Variants in TEN1 observed in about 807,000 individuals in gnomAD.
TEN1 encodes the protein CST complex subunit TEN1.
TEN1 carries 6 observed loss-of-function variants against 9.3 expected under a neutral mutation model. The observed-to-expected ratio is 0.65, with a 90% CI of 0.35 to 1.27. The LOEUF is 1.27. Among genes scored for constraint, TEN1 ranks in the 50% most tolerant of loss-of-function variants. The pLI is 0.03. For missense variants in TEN1, 149 were observed against 158.2 expected (o/e 0.94, Z 0.31); for synonymous variants, 65 against 65.6 (o/e 0.99, Z 0.04).
At chr17:75,986,075 C>A in intron 1 of TEN1, 112 bp from the exon 2 acceptor site, 1 of 833,420 alleles carries the variant, frequency 1.2e-6, no homozygotes, top group Non-Finnish European at 1.8e-6. Context: ...ACACTGCCTA[C>A]TGGAATTAGT....
At chr17:75,993,077 A>T (rs1234690225) in intron 3 of TEN1, among the ~76,000 whole-genome samples, 2 of 150,344 alleles carry the variant, frequency 1.3e-5, no homozygotes, top group African/African-American at 4.9e-5. Flanking sequence ...CCTGTAGTGG[A>T]AACCAAATGG....
At chr17:75,999,981 C>T (rs950823767) in intron 3 of TEN1, among the ~76,000 whole-genome samples, 160 bp from the exon 4 acceptor site, 5 of 152,152 alleles carry the variant, frequency 3.3e-5, no homozygotes, top group Admixed American at 1.3e-4. Context: ...GTTCTAGGCC[C>T]AAATACTCAG....
intron 1 of TEN1, among the ~76,000 whole-genome samples, chr17:75,983,206 G>A (rs944953991): frequency 1.3e-5 from 2 of 151,766 alleles, no homozygotes; most frequent in African/African-American, 4.8e-5. Flanking sequence ...GCTTGAACCC[G>A]GGAGGCAGTG....
At chr17:75,987,312 G>A (rs139902322) in intron 2 of TEN1, among the ~76,000 whole-genome samples, 1 of 152,288 alleles carries the variant, frequency 6.6e-6, no homozygotes, top group Non-Finnish European at 1.5e-5. Flanking sequence ...GTTCACGTTT[G>A]GCAAATTAGT....
chr17:75,989,515 G>A (rs1020073057), intron 2 of TEN1, among the ~76,000 whole-genome samples: 17 of 150,676 alleles, frequency 1.1e-4, no homozygotes, highest in East Asian at 2.0e-4. Flanking sequence ...TGGTTCAAGC[G>A]ATTCTCCTGT....
chr17:75,999,590 G>A (rs2066240524), intron 3 of TEN1, among the ~76,000 whole-genome samples: 1 of 152,070 alleles, frequency 6.6e-6, no homozygotes, highest in African/African-American at 2.4e-5. Context: ...TGTTCCACAT[G>A]CCTTGGCCTC....
chr17:75,994,819 G>A (rs2066209299), intron 3 of TEN1, among the ~76,000 whole-genome samples: 1 of 152,098 alleles, frequency 6.6e-6, no homozygotes, highest in East Asian at 1.9e-4. Flanking sequence ...TTCACGGAGG[G>A]AACTCGAATC....
At chr17:75,986,070 G>C in intron 1 of TEN1, 117 bp from the exon 2 acceptor site, 1 of 779,206 alleles carries the variant, frequency 1.3e-6, no homozygotes, top group South Asian at 2.4e-5. Flanking sequence ...TTAAAACACT[G>C]CCTACTGGAA....
intron 1 of TEN1, among the ~76,000 whole-genome samples, chr17:75,980,428 A>ATT (rs758453002): frequency 2.9e-4 from 43 of 146,112 alleles, no homozygotes; most frequent in Admixed American, 7.5e-4. Context: ...ATCTCTAGTC[A>ATT]TTTTTTTTTT....
chr17:75,986,443 T>C (rs973591169), intron 2 of TEN1, among the ~76,000 whole-genome samples, 159 bp downstream of exon 2: 1 of 152,134 alleles, frequency 6.6e-6, no homozygotes, highest in Non-Finnish European at 1.5e-5. Context: ...GGCTCATGCC[T>C]GTAATCGCAG....
At chr17:75,979,792 T>C (rs1413715438) in intron 1 of TEN1, among the ~76,000 whole-genome samples, 1 of 151,864 alleles carries the variant, frequency 6.6e-6, no homozygotes. Context: ...AGTTACCTTT[T>C]GTTAAGATAA....
chr17:75,983,137 C>T (rs188365578), intron 1 of TEN1, among the ~76,000 whole-genome samples: 9 of 151,460 alleles, frequency 5.9e-5, no homozygotes, highest in African/African-American at 1.5e-4. Flanking sequence ...AAAAATTAGC[C>T]GGGCATGGTG....
intron 1 of TEN1, among the ~76,000 whole-genome samples, chr17:75,981,601 T>TG (rs1179639758): frequency 3.3e-5 from 5 of 151,730 alleles, no homozygotes. Context: ...AAGTTGTTTT[T>TG]TTTTTTTTTT....
chr17:75,989,803 C>T (rs967639712), intron 2 of TEN1, among the ~76,000 whole-genome samples: 1 of 151,466 alleles, frequency 6.6e-6, no homozygotes, highest in Non-Finnish European at 1.5e-5. Context: ...GACACTGTGT[C>T]GCCCAGGCTG....
chr17:75,998,830 A>C (rs900878857), intron 3 of TEN1, among the ~76,000 whole-genome samples: 2 of 152,000 alleles, frequency 1.3e-5, no homozygotes, highest in Non-Finnish European at 2.9e-5. Context: ...AGCTGGGTTT[A>C]CAGGTGCCAG....
intron 2 of TEN1, among the ~76,000 whole-genome samples, chr17:75,988,240 CAAAA>C (rs749108730): frequency 8.9e-5 from 8 of 89,400 alleles, no homozygotes; most frequent in Admixed American, 1.2e-4. Flanking sequence ...AATTCGGCCT[CAAAA>C]AAAAAAAAAA....
Position 76,000,570 on chromosome 17 carries a change from G to A in TEN1, c.*308G>A, listed in dbSNP as rs2066249064. On this transcript the variant is annotated 3_prime_UTR_variant, in exon 4 of 4. Coordinates refer to ENST00000397640, the MANE Select transcript of TEN1 (RefSeq NM_001113324.3). The surrounding 1 kb of genome is among the most constrained non-coding windows in gnomAD (Gnocchi z 5.9). ...GAAGGTCCTGGTGAATAAAGGCCCA[G>A]GGGGCGTGCTCTTGAAGTGTGCTCG... 5 of 296,456 alleles carry A rather than the reference G, an allele frequency of 1.7e-5. No homozygotes were observed. The Admixed American group carries it at 1.9e-4, about 11-fold the overall frequency. 18.4% of individuals were successfully genotyped at this position (296,456 alleles called of 1,614,324 possible).
chr17:75,983,456 A>G (rs972314676), intron 1 of TEN1, among the ~76,000 whole-genome samples: 5 of 152,162 alleles, frequency 3.3e-5, no homozygotes, highest in Admixed American at 2.0e-4. Flanking sequence ...GTTAGTGAGC[A>G]CACACTCGTG....
At chr17:75,987,746 G>T (rs1212437459) in intron 2 of TEN1, among the ~76,000 whole-genome samples, 3 of 151,588 alleles carry the variant, frequency 2.0e-5, no homozygotes, top group African/African-American at 7.3e-5. Flanking sequence ...GCGAAACCCT[G>T]TCTCTACTAA....
Sources: allele counts gnomAD v4.1 joint callset (sites outside exome capture counted in the v4.1 genomes callset), GRCh38; gene constraint gnomAD v4.1.1; non-coding constraint Gnocchi (gnomAD v3.1); transcripts MANE v1.5; gene names NCBI Gene and HGNC (gene_info 2026-07-23, HGNC 2026-07-21).